Variants in OR56A3 observed in about 807,000 individuals in gnomAD.
OR56A3 encodes olfactory receptor family 56 subfamily A member 3.
Under a neutral mutation model 17.5 loss-of-function variants are expected in OR56A3, and 23 were observed. That is an observed-to-expected ratio of 1.32 (90% CI 0.95 to 1.87). OR56A3 has a LOEUF of 1.87. OR56A3 is among the 40% of genes most tolerant of loss of function. The pLI is 0.00. For missense variants in OR56A3, 366 were observed against 380.1 expected, an observed-to-expected ratio of 0.96 and a Z score of 0.31; for synonymous variants, 175 against 150.6, an observed-to-expected ratio of 1.16 and a Z score of -1.19.
the OR56A3 span, chr11:6,001,919 T>C: frequency 6.0e-6 from 5 of 838,254 alleles, no homozygotes; most frequent in Non-Finnish European, 8.9e-6. Flanking sequence ...GCCTGAGATA[T>C]TGAGAACAGA....
At chr11:5,970,438 T>C in the OR56A3 span, among the ~76,000 whole-genome samples, 5 of 152,114 alleles carry the variant, frequency 3.3e-5, no homozygotes, top group Non-Finnish European at 5.9e-5. Context: ...TAGCAAACAG[T>C]TTCATGTGAA....
chr11:5,999,162 A>G, the OR56A3 span, among the ~76,000 whole-genome samples: 1 of 152,188 alleles, frequency 6.6e-6, no homozygotes, highest in African/African-American at 2.4e-5. Context: ...CACATAAGCA[A>G]GAGAACTTCT....
chr11:5,993,781 T>A, the OR56A3 span: 7,926 of 253,626 alleles, frequency 0.031, 173 homozygotes, highest in African/African-American at 0.062. Context: ...ATATCTAAAG[T>A]ATTATCACTT....
chr11:5,979,426 A>G, the OR56A3 span, among the ~76,000 whole-genome samples: 10 of 151,782 alleles, frequency 6.6e-5, no homozygotes, highest in South Asian at 2.1e-4. Flanking sequence ...CAGGGTTTCA[A>G]TTTCTTCCTC....
chr11:5,944,743 C>T (rs762655561), intron 1 of OR56A3, 63 bp from the exon 2 acceptor site: 8 of 152,074 alleles, frequency 5.3e-5, no homozygotes, highest in East Asian at 1.9e-4. Flanking sequence ...ACAAATGAAA[C>T]GGTATGTTTA....
the OR56A3 span, among the ~76,000 whole-genome samples, chr11:5,974,613 G>A: frequency 6.6e-6 from 1 of 152,168 alleles, no homozygotes; most frequent in Non-Finnish European, 1.5e-5. Flanking sequence ...GCATGGAATG[G>A]CATCCCAATA....
Position 5,948,058 on chromosome 11 carries a change from G to T in OR56A3, c.712G>T (p.Val238Leu), listed in dbSNP as rs192910465. ...AVLRLKAEGA[V>L]AKALSTCGSH... ...GCTGAGACTCAAGGCAGAGGGTGCC[G>T]TGGCAAAGGCCCTAAGCACATGTGG... Residue 238 changes from valine to leucine, a missense_variant, in exon 3 of 3, where the codon GTG becomes TTG. Transcript: ENST00000641160. 1 of 1,614,176 alleles carries T rather than the reference G, an allele frequency of 6.2e-7. No individual in the cohort carries two copies. The highest frequency in any genetic ancestry group is 2.2e-5 in the East Asian group (1 of 44,878).
the OR56A3 span, chr11:5,968,083 T>C: frequency 3.1e-6 from 5 of 1,613,600 alleles, no homozygotes; most frequent in South Asian, 5.5e-5. Flanking sequence ...TCAGTGATGA[T>C]GGATGAGTAC....
At chr11:6,002,674 T>C in the OR56A3 span, 7 of 1,614,250 alleles carry the variant, frequency 4.3e-6, no homozygotes, top group Non-Finnish European at 5.9e-6. Flanking sequence ...AAACTGTTCA[T>C]GATGAACATC....
the OR56A3 span, among the ~76,000 whole-genome samples, chr11:5,977,108 C>T: frequency 6.6e-6 from 1 of 152,138 alleles, no homozygotes; most frequent in Non-Finnish European, 1.5e-5. Context: ...TTTATCCAAC[C>T]CACTGTTGAT....
At chr11:5,962,363 C>T in the OR56A3 span, among the ~76,000 whole-genome samples, 4 of 152,020 alleles carry the variant, frequency 2.6e-5, no homozygotes, top group South Asian at 6.2e-4. Flanking sequence ...TTTGTGTGTG[C>T]GTGTTCTCAT....
rs1186404453 is a variant in OR56A3 at position 5,951,344 on chromosome 11, A to G, written c.*3050A>G. The G allele has an allele frequency of 4.6e-5, 7 of 152,108 alleles. No individual in the cohort carries two copies. The highest frequency in any genetic ancestry group is 2.4e-5 in the African/African-American group (1 of 41,436). 9.4% of individuals were successfully genotyped at this position (152,108 alleles called of 1,614,324 possible). A position where few individuals can be genotyped will look rare whatever the true frequency, so the allele number is the denominator to read the frequency against. On this transcript the variant is annotated 3_prime_UTR_variant, in exon 3 of 3. Transcript: ENST00000641160. ...AATTCATTAAATTTTTCTTTACATC[A>G]TTTACACACACATAGATCTGAGTAT...
chr11:5,982,319 C>T, the OR56A3 span, among the ~76,000 whole-genome samples: 148,945 of 152,270 alleles, frequency 0.98, 72,917 homozygotes, highest in East Asian at 1. Context: ...TTGGCGATGG[C>T]GGGGTGTCAA....
chr11:5,982,735 T>C, the OR56A3 span, among the ~76,000 whole-genome samples: 1 of 152,150 alleles, frequency 6.6e-6, no homozygotes, highest in East Asian at 1.9e-4. Context: ...TGGAGTCCCG[T>C]TCCTTCCATG....
intron 2 of OR56A3, 134 bp from the exon 3 acceptor site, chr11:5,947,177 A>C: frequency 1.6e-6 from 1 of 625,232 alleles, no homozygotes. Context: ...GTGACATGAC[A>C]CTGAGGAAAA....
the OR56A3 span, among the ~76,000 whole-genome samples, chr11:5,978,874 T>C: frequency 2.0e-5 from 3 of 152,142 alleles, no homozygotes; most frequent in African/African-American, 7.2e-5. Flanking sequence ...GCTTTTATTA[T>C]TGTGAAGGAT....
chr11:5,985,521 G>A, the OR56A3 span, among the ~76,000 whole-genome samples: 1 of 152,102 alleles, frequency 6.6e-6, no homozygotes, highest in African/African-American at 2.4e-5. Context: ...CAATGATCTG[G>A]GGATCCCAGC....
At chr11:5,963,208 CTTT>C in the OR56A3 span, among the ~76,000 whole-genome samples, 3 of 151,948 alleles carry the variant, frequency 2.0e-5, no homozygotes, top group African/African-American at 7.2e-5. Flanking sequence ...ATATTTTCTT[CTTT>C]GTGTTAATAC....
the OR56A3 span, among the ~76,000 whole-genome samples, chr11:5,957,525 T>G: frequency 1.3e-5 from 2 of 152,170 alleles, no homozygotes; most frequent in Non-Finnish European, 2.9e-5. Context: ...TTAATAGAAT[T>G]TACAAGATAA....
Sources: gnomAD v4.1 joint callset for allele counts (sites outside exome capture counted in the v4.1 genomes callset) on GRCh38, gnomAD v4.1.1 for gene constraint, MANE v1.5 for transcripts, NCBI Gene and HGNC (gene_info 2026-07-23, HGNC 2026-07-21) for gene names.